Variants in BAALC observed in about 807,000 individuals in gnomAD.
BAALC encodes brain and acute leukemia cytoplasmic protein.
BAALC carries 9 observed loss-of-function variants against 15.5 expected under a neutral mutation model. That is an observed-to-expected ratio of 0.58 (90% CI 0.35 to 1.02). The LOEUF (loss-of-function observed/expected upper bound fraction) is 1.02, where lower values mean the gene tolerates loss of function less well. BAALC is among the 50% of genes least tolerant of loss of function. The pLI is 0.02. For synonymous variants in BAALC, 80 were observed against 74.6 expected (o/e 1.07, Z -0.37); for missense variants, 201 against 192.4 (o/e 1.04, Z -0.27).
chr8:103,178,092 G>C (rs865877698), intron 1 of BAALC, among the ~76,000 whole-genome samples: 20 of 152,158 alleles, frequency 1.3e-4, no homozygotes, highest in African/African-American at 4.3e-4. Context: ...TTAATAGGTA[G>C]TTTCATTAAA....
chr8:103,152,015 G>A (rs1370687246), intron 1 of BAALC, among the ~76,000 whole-genome samples: 1 of 152,000 alleles, frequency 6.6e-6, no homozygotes, highest in Non-Finnish European at 1.5e-5. Flanking sequence ...AGCCACATCC[G>A]TCTTCCACTT....
intron 1 of BAALC, among the ~76,000 whole-genome samples, chr8:103,181,353 A>G (rs1341870439): frequency 6.6e-6 from 1 of 152,088 alleles, no homozygotes; most frequent in Admixed American, 6.5e-5. Context: ...GCTCACTGCA[A>G]GCTCCACCTC....
In BAALC at chr8:103,168,929, G is replaced by A. The variant is rs539794497; in HGVS notation, c.160+27872G>A. 3.4e-4 allele frequency among the ~76,000 whole-genome samples: 51 copies of A among 151,950 alleles called. 1 individual carries two copies. The highest frequency in any genetic ancestry group is 5.3e-4 in the Non-Finnish European group (36 of 67,994). On this transcript the variant is annotated intron_variant, in intron 1 of 2. Transcript: ENST00000309982. ...TACATTTAATCGATAGTTTGGCGGG[G>A]TATAAAATCTCATTTCCTTAAGGTT...
chr8:103,227,649 ACTGTTCCTCTATCCCCTC>A (rs542289801), intron 2 of BAALC, among the ~76,000 whole-genome samples: 19 of 152,326 alleles, frequency 1.2e-4, no homozygotes, highest in African/African-American at 4.6e-4. Flanking sequence ...TGCATATTTG[ACTGTTCCTCTATCCCCTC>A]CTTTCACACA....
chr8:103,141,393 CT>C lies in BAALC; in HGVS notation c.160+337del, dbSNP rs1387981822. ...CACATATCCCTCAGCCACCCACCCC[CT>C]GATCCGCCCAGGGCCGCCTCCGCCC... On this transcript the variant is annotated intron_variant, in intron 1 of 2. Transcript: ENST00000309982. 19 of 263,480 alleles carry C rather than the reference CT, an allele frequency of 7.2e-5. No homozygotes were observed. In the East Asian group the frequency reaches 7.7e-4, roughly 11 times the overall value. 16.3% of individuals were successfully genotyped at this position (263,480 alleles called of 1,614,324 possible). A position where few individuals can be genotyped will look rare whatever the true frequency, so the allele number is the denominator to read the frequency against.
chr8:103,224,113 G>A (rs548960512), intron 2 of BAALC, among the ~76,000 whole-genome samples: 4 of 106,830 alleles, frequency 3.7e-5, no homozygotes, highest in South Asian at 6.1e-4. Flanking sequence ...TTCTGCGTGC[G>A]TCTGTGTGTG....
At chr8:103,196,669 C>G (rs1332714965) in intron 1 of BAALC, among the ~76,000 whole-genome samples, 4 of 152,130 alleles carry the variant, frequency 2.6e-5, no homozygotes, top group African/African-American at 7.2e-5. Context: ...GTTTGGCAGC[C>G]TCTCTCAGCC....
At chr8:103,171,687 A>T (rs1459907315) in intron 1 of BAALC, among the ~76,000 whole-genome samples, 1 of 152,224 alleles carries the variant, frequency 6.6e-6, no homozygotes, top group Non-Finnish European at 1.5e-5. Flanking sequence ...GGTGACCACA[A>T]GGACTTGTGG....
At chr8:103,213,360 G>C (rs1812494207) in intron 2 of BAALC, 1 of 341,532 alleles carries the variant, frequency 2.9e-6, no homozygotes, top group Non-Finnish European at 5.5e-6. Context: ...CCATGTTGAT[G>C]GTGAGGACTG....
intron 1 of BAALC, among the ~76,000 whole-genome samples, chr8:103,182,612 T>C (rs1306064072): frequency 6.6e-6 from 1 of 152,232 alleles, no homozygotes; most frequent in Non-Finnish European, 1.5e-5. Context: ...TGTGAAGTCC[T>C]GATAGTAGAG....
At chr8:103,205,994 C>T (rs753192987) in intron 1 of BAALC, among the ~76,000 whole-genome samples, 2 of 152,138 alleles carry the variant, frequency 1.3e-5, no homozygotes, top group Non-Finnish European at 2.9e-5. Flanking sequence ...TGCATAACCC[C>T]AATAGGGTTG....
At position 103,141,056 on chromosome 8, in the gene BAALC, G is replaced by C; in HGVS notation, c.159G>C (p.Ser53=). ...GCCCCGAAGCGGGCGGCCTGCACTC[G>C]GGTAAGTGGCCGGGCCCCTGCAGAC... ...DSGPEAGGLH[S]GMLEDGLPSN... is the part of the protein sequence containing the mutation. Residue 53 remains serine (S), a splice_region_variant and synonymous_variant, in exon 1 of 3, where the codon TCG becomes TCC. Transcript: ENST00000309982. 6.7e-7 allele frequency: 1 copy of C among 1,492,294 alleles called. No homozygotes were observed. Among genetic ancestry groups the C allele is most frequent in the Non-Finnish European group, 8.9e-7 (1 of 1,121,256 alleles). 92.4% of individuals were successfully genotyped at this position (1,492,294 alleles called of 1,614,324 possible).
intron 1 of BAALC, among the ~76,000 whole-genome samples, chr8:103,190,441 TC>T (rs1811940798): frequency 6.6e-6 from 1 of 152,202 alleles, no homozygotes. Flanking sequence ...CTTCCTCCAG[TC>T]TCACCCGCTT....
chr8:103,213,150 G>C (rs1586436071), intron 2 of BAALC, 65 bp downstream of exon 2: 2 of 1,535,254 alleles, frequency 1.3e-6, no homozygotes, highest in East Asian at 2.3e-5. Flanking sequence ...CTTCAGGGCA[G>C]AGCCACCCAG....
At chr8:103,215,305 A>G (rs1394102503) in intron 2 of BAALC, among the ~76,000 whole-genome samples, 1 of 152,232 alleles carries the variant, frequency 6.6e-6, no homozygotes, top group Non-Finnish European at 1.5e-5. Flanking sequence ...ATTGAGTTAC[A>G]TGAATAAGGC....
chr8:103,174,826 G>C (rs1811573741), intron 1 of BAALC, among the ~76,000 whole-genome samples: 1 of 152,164 alleles, frequency 6.6e-6, no homozygotes, highest in African/African-American at 2.4e-5. Context: ...TCTTTTAGCT[G>C]AGCAGCAACA....
intron 1 of BAALC, among the ~76,000 whole-genome samples, chr8:103,201,301 G>A (rs1260939860): frequency 6.6e-6 from 1 of 152,136 alleles, no homozygotes; most frequent in Non-Finnish European, 1.5e-5. Flanking sequence ...TGATTCTGAG[G>A]ACCACCCCTC....
intron 1 of BAALC, among the ~76,000 whole-genome samples, chr8:103,199,525 ATAAT>A (rs1352033791): frequency 1.3e-5 from 2 of 150,758 alleles, no homozygotes. Flanking sequence ...GGGATACTAG[ATAAT>A]TGATTGATTG....
At chr8:103,218,353 G>T (rs1220906318) in intron 2 of BAALC, among the ~76,000 whole-genome samples, 1 of 149,070 alleles carries the variant, frequency 6.7e-6, no homozygotes, top group Non-Finnish European at 1.5e-5. Flanking sequence ...GTCATTTGGG[G>T]CCTTACTGAC....
Sources: gnomAD v4.1 joint callset for allele counts (sites outside exome capture counted in the v4.1 genomes callset) on GRCh38, gnomAD v4.1.1 for gene constraint, MANE v1.5 for transcripts, NCBI Gene and HGNC (gene_info 2026-07-23, HGNC 2026-07-21) for gene names.